Variants in PTPRS observed in about 807,000 individuals in gnomAD.
PTPRS encodes the protein protein tyrosine phosphatase receptor type S.
A neutral mutation model predicts 215.3 loss-of-function variants in PTPRS; 63 were observed. The observed-to-expected ratio is 0.29, with a 90% CI of 0.24 to 0.36. The LOEUF (loss-of-function observed/expected upper bound fraction) is 0.36. PTPRS is among the 10% of genes least tolerant of loss of function. PTPRS has a pLI of 1.00. For missense variants in PTPRS, 2,258 were observed against 2,825.8 expected, an observed-to-expected ratio of 0.80 and a Z score of 4.56; for synonymous variants, 1,404 against 1,191.4, an observed-to-expected ratio of 1.18 and a Z score of -3.68.
chr19:5,250,947 CGGGGGGGGGG>C (rs10598598), intron 9 of PTPRS: 19,204 of 43,644 alleles, frequency 0.44, 4,040 homozygotes, highest in Admixed American at 0.49. Context: ...GCGGGGGCGG[CGGGGGGGGGG>C]GGGGGGGCTC....
At chr19:5,276,644 C>T (rs1346115089) in intron 2 of PTPRS, among the ~76,000 whole-genome samples, 1 of 151,938 alleles carries the variant, frequency 6.6e-6, no homozygotes, top group Non-Finnish European at 1.5e-5. Flanking sequence ...AGGTTCACAC[C>T]ATTCTCCTTC....
At chr19:5,223,398 T>C in intron 17 of PTPRS, 101 bp from the exon 18 acceptor site, 4 of 1,276,568 alleles carry the variant, frequency 3.1e-6, no homozygotes, top group Non-Finnish European at 4.0e-6. Flanking sequence ...CAATATAACA[T>C]TTTTTTGAGT....
At chr19:5,326,195 C>G (rs552644327) in intron 1 of PTPRS, among the ~76,000 whole-genome samples, 1 of 152,176 alleles carries the variant, frequency 6.6e-6, no homozygotes, top group Admixed American at 6.5e-5. Flanking sequence ...CGGGCCATTG[C>G]ACTCCAGCCT....
chr19:5,325,299 C>A (rs2050138979), intron 1 of PTPRS, among the ~76,000 whole-genome samples: 1 of 152,258 alleles, frequency 6.6e-6, no homozygotes, highest in Non-Finnish European at 1.5e-5. Context: ...GCACAGACAG[C>A]TGCAAGGTGC....
intron 1 of PTPRS, among the ~76,000 whole-genome samples, chr19:5,317,804 G>A (rs1241194632): frequency 6.6e-6 from 1 of 152,050 alleles, no homozygotes; most frequent in African/African-American, 2.4e-5. Context: ...CTGAGGCTGA[G>A]ACAGGTGGAT....
chr19:5,214,531 G>A (rs1568376061), intron 29 of PTPRS, 30 bp downstream of exon 29: 1 of 1,612,248 alleles, frequency 6.2e-7, no homozygotes, highest in Non-Finnish European at 8.5e-7. Context: ...GACTGGCAGG[G>A]GCTTGAGGGC....
intron 1 of PTPRS, among the ~76,000 whole-genome samples, chr19:5,304,142 G>A (rs1035327097): frequency 6.6e-6 from 1 of 151,948 alleles, no homozygotes; most frequent in Non-Finnish European, 1.5e-5. Context: ...AGATGACTGT[G>A]GGAGGCAGAC....
At chr19:5,334,100 T>G (rs894378079) in intron 1 of PTPRS, among the ~76,000 whole-genome samples, 4 of 152,026 alleles carry the variant, frequency 2.6e-5, no homozygotes. Context: ...CCAGGCCCCC[T>G]GTGGTTCAGC....
intron 13 of PTPRS, among the ~76,000 whole-genome samples, chr19:5,236,829 A>T (rs2043481301): frequency 6.8e-6 from 1 of 148,070 alleles, no homozygotes; most frequent in South Asian, 2.2e-4. Flanking sequence ...GGGTGCGGGG[A>T]ATCAGGCAGG....
intron 1 of PTPRS, among the ~76,000 whole-genome samples, 169 bp downstream of exon 1, chr19:5,340,495 T>G (rs1168247980): frequency 6.6e-6 from 1 of 150,950 alleles, no homozygotes; most frequent in African/African-American, 2.4e-5. Context: ...GCGCAGCGGC[T>G]GGGCGTGCAA....
In PTPRS at chr19:5,216,709, C is replaced by CA. The variant is rs1244532830; in HGVS notation, c.4096+10dup. On this transcript the variant is annotated intron_variant, in intron 26 of 37. Transcript: ENST00000262963. ...GGCGAAAGGAAGCCAAAAACAGACA[C>CA]AAGAACTAACTTTCAAAGTGAAACC... The CA allele has an allele frequency of 8.4e-6, 13 of 1,555,760 alleles. No individual in the cohort carries two copies. Among genetic ancestry groups the CA allele is most frequent in the Non-Finnish European group, 1.1e-5 (13 of 1,144,516 alleles).
chr19:5,238,813 C>G lies in PTPRS; in HGVS notation c.1849+106G>C, dbSNP rs944710698. The G allele has an allele frequency of 5.7e-6, 8 of 1,402,958 alleles. No individual in the cohort carries two copies. The African/African-American group carries it at 1.2e-4, about 21-fold the overall frequency. 86.9% of individuals were successfully genotyped at this position (1,402,958 alleles called of 1,614,324 possible). A position where few individuals can be genotyped will look rare whatever the true frequency, so the allele number is the denominator to read the frequency against. ...AAGCGGAGACAGGCCGGGAGGCGCCCCCCACCCACTGCAGCAGGCCCCGCC... is the reference window on the plus strand; with the variant it reads ...AAGCGGAGACAGGCCGGGAGGCGCCGCCCACCCACTGCAGCAGGCCCCGCC... On this transcript the variant is annotated intron_variant, in intron 13 of 37. Coordinates refer to ENST00000262963, the MANE Select transcript of PTPRS (RefSeq NM_002850.4).
chr19:5,312,025 C>A (rs1301990058), intron 1 of PTPRS, among the ~76,000 whole-genome samples: 1 of 150,164 alleles, frequency 6.7e-6, no homozygotes, highest in East Asian at 2.0e-4. Flanking sequence ...CTGGGAGACA[C>A]AGCGAGACTC....
chr19:5,326,531 C>G (rs192037616), intron 1 of PTPRS, among the ~76,000 whole-genome samples: 3 of 152,000 alleles, frequency 2.0e-5, no homozygotes, highest in African/African-American at 7.2e-5. Context: ...CAAAACGTGT[C>G]AAGTACTGGC....
intron 37 of PTPRS, 90 bp from the exon 38 acceptor site, chr19:5,206,932 C>G: frequency 1.7e-6 from 2 of 1,177,986 alleles, no homozygotes; most frequent in Non-Finnish European, 2.5e-6. Flanking sequence ...CCAAGCTCCT[C>G]AGCCTTGTGC....
intron 1 of PTPRS, among the ~76,000 whole-genome samples, chr19:5,289,376 G>A (rs765924492): frequency 5.9e-5 from 9 of 152,178 alleles, no homozygotes; most frequent in Admixed American, 1.3e-4. Context: ...CACCTCCATC[G>A]TGGTCTCCCA....
intron 1 of PTPRS, among the ~76,000 whole-genome samples, chr19:5,327,871 G>C (rs760140729): frequency 6.6e-6 from 1 of 152,120 alleles, no homozygotes; most frequent in African/African-American, 2.4e-5. Context: ...AAAGTATTGG[G>C]ATTACAGCCA....
At chr19:5,246,956 G>T (rs2044550681) in intron 9 of PTPRS, among the ~76,000 whole-genome samples, 1 of 151,926 alleles carries the variant, frequency 6.6e-6, no homozygotes, top group Non-Finnish European at 1.5e-5. Flanking sequence ...AACTGCAGGG[G>T]GAAGATCTGG....
At chr19:5,223,847 C>T (rs1433756620) in intron 17 of PTPRS, among the ~76,000 whole-genome samples, 1 of 151,602 alleles carries the variant, frequency 6.6e-6, no homozygotes, top group Non-Finnish European at 1.5e-5. Context: ...CAGGTGTGAG[C>T]CACCGTGCCC....
Sources: gnomAD v4.1 joint callset for allele counts (sites outside exome capture counted in the v4.1 genomes callset) on GRCh38, gnomAD v4.1.1 for gene constraint, MANE v1.5 for transcripts, NCBI Gene and HGNC (gene_info 2026-07-23, HGNC 2026-07-21) for gene names.